ISM1: variants seen among roughly 807,000 people sequenced by gnomAD.
ISM1 encodes the protein isthmin 1.
A neutral mutation model predicts 46.3 loss-of-function variants in ISM1; 25 were observed. That is an observed-to-expected ratio of 0.54 (90% CI 0.39 to 0.75). The LOEUF (loss-of-function observed/expected upper bound fraction) is 0.75, where lower values mean the gene tolerates loss of function less well. Among genes scored for constraint, ISM1 ranks in the 30% least tolerant of loss-of-function variants. The pLI is 0.00. For missense variants in ISM1, 536 were observed against 625.4 expected (o/e 0.86, Z 1.52); for synonymous variants, 255 against 256.7 (o/e 0.99, Z 0.06).
At chr20:13,261,248 T>G in intron 1 of ISM1, among the ~76,000 whole-genome samples, 1 of 151,996 alleles carries the variant, frequency 6.6e-6, no homozygotes, top group Admixed American at 6.6e-5. Context: ...ACCCCGTCTC[T>G]ACTAAAAATA....
chr20:13,221,980 G>A, intron 1 of ISM1, 66 bp downstream of exon 1: 1 of 1,265,942 alleles, frequency 7.9e-7, no homozygotes, highest in Non-Finnish European at 1.0e-6. Flanking sequence ...GGGGTGCTGA[G>A]CTAGTGCCGG....
chr20:13,261,930 C>T (rs1369252672), intron 1 of ISM1, among the ~76,000 whole-genome samples: 1 of 152,182 alleles, frequency 6.6e-6, no homozygotes, highest in Non-Finnish European at 1.5e-5. Context: ...CCTTATATCC[C>T]CTCATTCTAT....
chr20:13,252,272 C>G (rs2085522926), intron 1 of ISM1, among the ~76,000 whole-genome samples: 1 of 152,200 alleles, frequency 6.6e-6, no homozygotes, highest in Admixed American at 6.5e-5. Context: ...GACCATTTGG[C>G]TTTGATGATG....
chr20:13,313,566 G>A, the ISM1 span, among the ~76,000 whole-genome samples: 10 of 152,084 alleles, frequency 6.6e-5, no homozygotes, highest in South Asian at 6.2e-4. Flanking sequence ...GAGCCTATTC[G>A]GGCTCGGGAG....
intron 1 of ISM1, among the ~76,000 whole-genome samples, chr20:13,232,304 C>T (rs1222840508): frequency 6.6e-6 from 1 of 152,214 alleles, no homozygotes; most frequent in Non-Finnish European, 1.5e-5. Context: ...TTGTGCTCCT[C>T]TGTGAGCTTC....
At chr20:13,253,612 G>A (rs2039891358) in intron 1 of ISM1, among the ~76,000 whole-genome samples, 1 of 152,120 alleles carries the variant, frequency 6.6e-6, no homozygotes, top group African/African-American at 2.4e-5. Context: ...AACACCTGCT[G>A]CTGGGCCCCA....
intron 1 of ISM1, among the ~76,000 whole-genome samples, chr20:13,248,353 G>C (rs4814210): frequency 0.16 from 23,682 of 152,106 alleles, 1,908 homozygotes; most frequent in East Asian, 0.24. Flanking sequence ...GAAGAACCAT[G>C]TCACTGGAAA....
chr20:13,273,933 G>T (rs945320126), intron 2 of ISM1, among the ~76,000 whole-genome samples: 5 of 152,164 alleles, frequency 3.3e-5, no homozygotes, highest in Non-Finnish European at 7.3e-5. Context: ...TAAAATTGTG[G>T]TGCGTTTCTG....
intron 5 of ISM1, among the ~76,000 whole-genome samples, 193 bp from the exon 6 acceptor site, chr20:13,298,749 T>C (rs2040430659): frequency 6.6e-6 from 1 of 152,146 alleles, no homozygotes; most frequent in African/African-American, 2.4e-5. Flanking sequence ...AGAACGGCCA[T>C]CCACTTCTGA....
At chr20:13,236,761 A>G (rs1398844835) in intron 1 of ISM1, among the ~76,000 whole-genome samples, 1 of 152,258 alleles carries the variant, frequency 6.6e-6, no homozygotes, top group Admixed American at 6.5e-5. Context: ...GAAATCCAGC[A>G]GGGCAGTTAA....
At chr20:13,263,830 G>T (rs1464580313) in intron 1 of ISM1, among the ~76,000 whole-genome samples, 1 of 152,192 alleles carries the variant, frequency 6.6e-6, no homozygotes, top group African/African-American at 2.4e-5. Context: ...TAACTATATT[G>T]TTAGTTTGTT....
chr20:13,249,663 C>T (rs1251116864), intron 1 of ISM1, among the ~76,000 whole-genome samples: 1 of 152,232 alleles, frequency 6.6e-6, no homozygotes, highest in African/African-American at 2.4e-5. Context: ...AATTGGCCAA[C>T]TGGCAGGCTC....
intron 1 of ISM1, among the ~76,000 whole-genome samples, chr20:13,225,243 T>C (rs2039509529): frequency 6.6e-6 from 1 of 152,136 alleles, no homozygotes. Context: ...GTTAGGTAAT[T>C]TGCCCAAGGT....
At chr20:13,324,521 T>C in the ISM1 span, among the ~76,000 whole-genome samples, 6 of 152,188 alleles carry the variant, frequency 3.9e-5, no homozygotes, top group Admixed American at 2.6e-4. Context: ...CAGGTCTTAA[T>C]TGTGATTAGA....
chr20:13,249,169 A>T (rs146582095), intron 1 of ISM1, among the ~76,000 whole-genome samples: 1 of 152,140 alleles, frequency 6.6e-6, no homozygotes, highest in Non-Finnish European at 1.5e-5. Flanking sequence ...ATCTGGGGGG[A>T]AAAAGCCAAA....
intron 5 of ISM1, among the ~76,000 whole-genome samples, chr20:13,297,622 G>C (rs2040419665): frequency 6.6e-6 from 1 of 152,212 alleles, no homozygotes; most frequent in Non-Finnish European, 1.5e-5. Flanking sequence ...CTGAGCTGGG[G>C]ACCTTCGGCC....
chr20:13,309,990 T>C, the ISM1 span, among the ~76,000 whole-genome samples: 5 of 152,282 alleles, frequency 3.3e-5, no homozygotes, highest in South Asian at 8.3e-4. Flanking sequence ...TGGAAGAATT[T>C]ATATCACAAA....
At chr20:13,322,978 GACA>G in the ISM1 span, among the ~76,000 whole-genome samples, 1 of 152,102 alleles carries the variant, frequency 6.6e-6, no homozygotes, top group Admixed American at 6.6e-5. Context: ...TGTAGGAAGA[GACA>G]ACATTTGACA....
Position 13,225,139 on chromosome 20 carries a change from C to T in ISM1, c.138+3225C>T, listed in dbSNP as rs374481762. ...AAGTGCTGGGATTACAGGCGTGAGC[C>T]ACCGCGCCCGGCCCATACTAGCTTT... On this transcript the variant is annotated intron_variant, in intron 1 of 5. Coordinates refer to ENST00000262487, the MANE Select transcript of ISM1 (RefSeq NM_080826.2). Among the ~76,000 whole-genome samples the T allele has an allele frequency of 7.9e-5, 12 of 152,190 alleles. No homozygotes were observed. In the East Asian group the frequency reaches 2.1e-3, roughly 27 times the overall value.
Sources: allele counts gnomAD v4.1 joint callset (sites outside exome capture counted in the v4.1 genomes callset), GRCh38; gene constraint gnomAD v4.1.1; transcripts MANE v1.5; gene names NCBI Gene and HGNC (gene_info 2026-07-23, HGNC 2026-07-21).